The following GOT2 variants were observed in gnomAD, a reference collection of about 807,000 sequenced individuals.
GOT2 encodes glutamic-oxaloacetic transaminase 2.
Under a neutral mutation model 50.0 loss-of-function variants are expected in GOT2, and 17 were observed. The observed-to-expected ratio is 0.34, with a 90% CI of 0.23 to 0.51. The LOEUF (loss-of-function observed/expected upper bound fraction) is 0.51, where lower values mean the gene tolerates loss of function less well. Among genes scored for constraint, GOT2 ranks in the 20% least tolerant of loss-of-function variants. The probability of loss-of-function intolerance (pLI) is 0.97; values close to 1 mark genes in which losing one functional copy is unlikely to be tolerated. For synonymous variants in GOT2, 172 were observed against 204.9 expected (o/e 0.84, Z 1.37); for missense variants, 430 against 559.6 (o/e 0.77, Z 2.34).
chr16:58,710,037 A>T (rs1460634074), intron 8 of GOT2, among the ~76,000 whole-genome samples: 1 of 152,076 alleles, frequency 6.6e-6, no homozygotes, highest in Non-Finnish European at 1.5e-5. Context: ...GTAAGCTATG[A>T]TGTTTGGTAG....
chr16:58,718,245 C>G lies in GOT2; in HGVS notation c.653G>C (p.Gly218Ala), dbSNP rs762157358. The G allele has an allele frequency of 6.2e-7, 1 of 1,614,102 alleles. No individual in the cohort carries two copies. Among genetic ancestry groups the G allele is most frequent in the Non-Finnish European group, 8.5e-7 (1 of 1,179,948 alleles). Residue 218 changes from glycine (G) to alanine (A), a missense_variant, in exon 6 of 10, where the codon GGA (glycine) becomes GCA (alanine). By Grantham distance (60) the Gly-to-Ala change is moderately conservative (BLOSUM62 0). Transcript: ENST00000245206. Reference protein sequence around the residue: ...LLHACAHNPTGVDPRPEQWKE... With the variant: ...LLHACAHNPTAVDPRPEQWKE... ...CCACTGTTCCGGACGCGGGTCCACT[C>G]CCGTGGGATTGTGGGCGCAGGCATG...
intron 1 of GOT2, 68 bp downstream of exon 1, chr16:58,734,072 C>T (rs1385116942): frequency 2.5e-5 from 22 of 890,326 alleles, no homozygotes; most frequent in African/African-American, 5.1e-5. Context: ...GGTGAATGTC[C>T]TGGGGTGCTC....
At position 58,718,178 on chromosome 16, in the gene GOT2, T is replaced by C; in HGVS notation, c.702+18A>G. The C allele has an allele frequency of 6.5e-7, 1 of 1,546,298 alleles. No homozygotes were observed. The highest frequency in any genetic ancestry group is 8.9e-7 in the Non-Finnish European group (1 of 1,118,150). On this transcript the variant is annotated intron_variant, in intron 6 of 9. Coordinates refer to ENST00000245206, the MANE Select transcript of GOT2 (RefSeq NM_002080.4). ...TTACTAAACACAGAACTGTCGCCAGTGAGTTCATCGTCCTCACCTTCACCA... is the reference window on the plus strand; with the variant it reads ...TTACTAAACACAGAACTGTCGCCAGCGAGTTCATCGTCCTCACCTTCACCA...
intron 6 of GOT2, 128 bp from the exon 7 acceptor site, chr16:58,716,941 G>T (rs1331332373): frequency 2.7e-6 from 2 of 751,728 alleles, no homozygotes; most frequent in African/African-American, 3.5e-5. Context: ...CTTTTCTGGG[G>T]CTAACGTAAT....
intron 3 of GOT2, among the ~76,000 whole-genome samples, chr16:58,720,558 C>A (rs957616531): frequency 1.3e-5 from 2 of 150,674 alleles, no homozygotes; most frequent in African/African-American, 4.9e-5. Context: ...GATGATACTA[C>A]GATTCACAAA....
At chr16:58,719,079 T>G in intron 4 of GOT2, 117 bp downstream of exon 4, 1 of 792,946 alleles carries the variant, frequency 1.3e-6, no homozygotes, top group East Asian at 2.5e-5. Flanking sequence ...ATAGGACATC[T>G]GCAAACTTCA....
chr16:58,721,063 T>C (rs1016316465), intron 3 of GOT2, among the ~76,000 whole-genome samples: 2 of 152,202 alleles, frequency 1.3e-5, no homozygotes, highest in Non-Finnish European at 2.9e-5. Flanking sequence ...CTAAACCAAA[T>C]TCTATTTGAC....
chr16:58,716,718 T>C lies in GOT2; in HGVS notation c.798A>G (p.Glu266=). ...KDAWAVRHFI[E]QGINVCLCQS... is the part of the protein sequence containing the mutation. ...GGCAGAGGCAAACATTAATGCCCTGTTCGATGAAGTGGCGCACAGCCCAGG... is the reference window on the plus strand; with the variant it reads ...GGCAGAGGCAAACATTAATGCCCTGCTCGATGAAGTGGCGCACAGCCCAGG... The change falls in exon 7 of 10, where the codon GAA becomes GAG. Residue 266 remains glutamate (E), a synonymous_variant. Coordinates refer to ENST00000245206, the MANE Select transcript of GOT2 (RefSeq NM_002080.4). 6.2e-7 allele frequency: 1 copy of C among 1,614,014 alleles called. No homozygotes were observed. The highest frequency in any genetic ancestry group is 2.2e-5 in the East Asian group (1 of 44,878).
At chr16:58,721,421 C>T (rs148271755) in intron 3 of GOT2, among the ~76,000 whole-genome samples, 18 of 152,290 alleles carry the variant, frequency 1.2e-4, no homozygotes, top group Non-Finnish European at 2.4e-4. Context: ...GGTCCAGCCC[C>T]CACAGTCCAC....
At chr16:58,719,091 G>A (rs867209487) in intron 4 of GOT2, 105 bp downstream of exon 4, 8 of 852,770 alleles carry the variant, frequency 9.4e-6, no homozygotes, top group South Asian at 5.5e-5. Flanking sequence ...CAAACTTCAC[G>A]GAAAGAAGAA....
intron 3 of GOT2, among the ~76,000 whole-genome samples, chr16:58,721,238 A>G (rs914290262): frequency 2.6e-5 from 4 of 152,190 alleles, no homozygotes; most frequent in African/African-American, 9.6e-5. Context: ...GCTAGTTTGT[A>G]TGTTTCTTCA....
intron 1 of GOT2, among the ~76,000 whole-genome samples, chr16:58,728,624 G>A (rs779443547): frequency 1.3e-5 from 2 of 152,120 alleles, no homozygotes; most frequent in Non-Finnish European, 2.9e-5. Context: ...GCATGGCTGT[G>A]GGGGGAGACA....
intron 8 of GOT2, among the ~76,000 whole-genome samples, chr16:58,710,666 G>T (rs1235839408): frequency 2.6e-5 from 4 of 151,380 alleles, no homozygotes; most frequent in Non-Finnish European, 5.9e-5. Context: ...CGGATCACGA[G>T]GTCAGGAGAT....
At chr16:58,718,448 T>C (rs2152095200) in intron 5 of GOT2, 79 bp downstream of exon 5, 3 of 1,419,908 alleles carry the variant, frequency 2.1e-6, no homozygotes, top group Non-Finnish European at 1.9e-6. Flanking sequence ...AACTCAGATA[T>C]TGGGACATGG....
intron 7 of GOT2, 104 bp downstream of exon 7, chr16:58,716,559 G>GACACACAC (rs3075037): frequency 6.7e-4 from 486 of 725,032 alleles, no homozygotes; most frequent in Non-Finnish European, 9.7e-4. Context: ...GACATGGATG[G>GACACACAC]ACACACACAC....
intron 3 of GOT2, among the ~76,000 whole-genome samples, chr16:58,720,660 C>T (rs986319118): frequency 1.3e-5 from 2 of 151,440 alleles, no homozygotes; most frequent in African/African-American, 4.9e-5. Flanking sequence ...CTCACTGCAA[C>T]CTCCACCTTC....
chr16:58,710,743 G>GTGGCAGC (rs1567484876), intron 8 of GOT2, among the ~76,000 whole-genome samples: 4 of 59,348 alleles, frequency 6.7e-5, no homozygotes, highest in South Asian at 5.8e-4. Flanking sequence ...TTAGCCGGGC[G>GTGGCAGC]GATCACGAGG....
chr16:58,732,453 T>C (rs1242489324), intron 1 of GOT2, among the ~76,000 whole-genome samples: 2 of 152,228 alleles, frequency 1.3e-5, no homozygotes, highest in Non-Finnish European at 1.5e-5. Flanking sequence ...GACCAGCCTA[T>C]GTTCAGATTT....
chr16:58,718,450 G>A (rs1597700989), intron 5 of GOT2, 77 bp downstream of exon 5: 1 of 1,417,582 alleles, frequency 7.1e-7, no homozygotes. Flanking sequence ...CTCAGATATT[G>A]GGACATGGTG....
Sources: gnomAD v4.1 joint callset for allele counts (sites outside exome capture counted in the v4.1 genomes callset) on GRCh38, gnomAD v4.1.1 for gene constraint, MANE v1.5 for transcripts, NCBI Gene and HGNC (gene_info 2026-07-23, HGNC 2026-07-21) for gene names.